Variants in MINDY4B observed in about 807,000 individuals in gnomAD.
MINDY4B encodes the protein MINDY family member 4B.
In MINDY4B, 25 loss-of-function variants were observed where a neutral mutation model predicts 16.7. The observed-to-expected ratio is 1.49, with a 90% confidence interval of 1.09 to 2.09. The LOEUF is 2.09. MINDY4B is among the 30% of genes most tolerant of loss of function. MINDY4B has a pLI of 0.00. For missense variants in MINDY4B, 327 were observed against 168.4 expected (o/e 1.94, Z -5.21); for synonymous variants, 132 against 61.9 (o/e 2.13, Z -5.32).
chr3:150,872,723 C>A (rs114222353), intron 11 of MINDY4B, among the ~76,000 whole-genome samples: 3 of 152,268 alleles, frequency 2.0e-5, no homozygotes, highest in Non-Finnish European at 2.9e-5. Flanking sequence ...CTCAAAAATG[C>A]GTTTTGTGCT....
intron 5 of MINDY4B, among the ~76,000 whole-genome samples, chr3:150,891,915 C>T (rs1320613335): frequency 2.6e-5 from 4 of 152,134 alleles, no homozygotes; most frequent in Non-Finnish European, 5.9e-5. Flanking sequence ...AGTGTGTCTA[C>T]AGACGTAGTT....
chr3:150,877,027 T>C (rs1055169819), intron 10 of MINDY4B, among the ~76,000 whole-genome samples: 38 of 147,152 alleles, frequency 2.6e-4, no homozygotes, highest in Non-Finnish European at 3.0e-5. Context: ...GGGCTTGTCA[T>C]GTCATCTAAT....
At chr3:150,889,497 C>G (rs1711711013) in intron 7 of MINDY4B, among the ~76,000 whole-genome samples, 1 of 152,214 alleles carries the variant, frequency 6.6e-6, no homozygotes, top group Non-Finnish European at 1.5e-5. Context: ...AGTCAGCTGA[C>G]TAACAACCTT....
intron 4 of MINDY4B, 131 bp from the exon 5 acceptor site, chr3:150,893,546 A>T (rs1020062827): frequency 9.1e-6 from 6 of 655,884 alleles, no homozygotes; most frequent in African/African-American, 9.0e-5. Context: ...TATTTGTGCC[A>T]CTCCTCCCTG....
intron 5 of MINDY4B, among the ~76,000 whole-genome samples, chr3:150,892,782 TA>T (rs35470998): frequency 0.014 from 1,905 of 138,164 alleles, 30 homozygotes; most frequent in African/African-American, 0.043. Context: ...CTAGCTCTAC[TA>T]AAAAAAAAAA....
chr3:150,883,619 CT>C (rs1224106113), intron 9 of MINDY4B, 80 bp downstream of exon 9: 5 of 661,706 alleles, frequency 7.6e-6, no homozygotes, highest in Non-Finnish European at 1.4e-5. Context: ...GATTGCTTTT[CT>C]TTTTTTCTTT....
intron 3 of MINDY4B, among the ~76,000 whole-genome samples, chr3:150,899,424 G>C (rs1050448131): frequency 1.2e-4 from 18 of 152,214 alleles, no homozygotes; most frequent in African/African-American, 4.3e-4. Context: ...CAGTGTCCCA[G>C]CAACAGTGGG....
intron 2 of MINDY4B, among the ~76,000 whole-genome samples, chr3:150,904,378 A>G (rs1712191819): frequency 6.6e-6 from 1 of 152,244 alleles, no homozygotes; most frequent in Admixed American, 6.5e-5. Flanking sequence ...GTTTTAGCAT[A>G]AATAAGACTT....
At chr3:150,902,836 A>C (rs1453488932) in intron 3 of MINDY4B, among the ~76,000 whole-genome samples, 1 of 152,190 alleles carries the variant, frequency 6.6e-6, no homozygotes, top group Non-Finnish European at 1.5e-5. Flanking sequence ...TGGCCTGACA[A>C]GTTTCCCCAG....
chr3:150,878,659 G>A (rs1036431521), intron 10 of MINDY4B, among the ~76,000 whole-genome samples: 15 of 152,218 alleles, frequency 9.9e-5, no homozygotes, highest in African/African-American at 3.4e-4. Context: ...TTTAAAGCTA[G>A]CCTGGGCAGT....
intron 3 of MINDY4B, among the ~76,000 whole-genome samples, chr3:150,896,066 T>C (rs879655626): frequency 6.6e-6 from 1 of 152,118 alleles, no homozygotes; most frequent in East Asian, 1.9e-4. Context: ...GTTCATATTT[T>C]CGGATTCTTT....
intron 3 of MINDY4B, among the ~76,000 whole-genome samples, chr3:150,900,208 C>A (rs1464209656): frequency 6.6e-6 from 1 of 152,128 alleles, no homozygotes; most frequent in Non-Finnish European, 1.5e-5. Context: ...AGGAAGAAAG[C>A]TGTAGTATTG....
chr3:150,889,618 GT>G (rs5853498), intron 7 of MINDY4B, among the ~76,000 whole-genome samples: 107,982 of 152,100 alleles, frequency 0.71, 38,588 homozygotes, highest in Middle Eastern at 0.81. Context: ...AACAGACCTT[GT>G]TTAACTCATT....
At chr3:150,900,536 C>T (rs1300401656) in intron 3 of MINDY4B, among the ~76,000 whole-genome samples, 1 of 152,158 alleles carries the variant, frequency 6.6e-6, no homozygotes, top group Non-Finnish European at 1.5e-5. Flanking sequence ...GAATCCCAAG[C>T]TTGTCATCCT....
chr3:150,878,272 A>G (rs1417434500), intron 10 of MINDY4B, among the ~76,000 whole-genome samples: 1 of 152,258 alleles, frequency 6.6e-6, no homozygotes, highest in Non-Finnish European at 1.5e-5. Flanking sequence ...ACTTGACTAT[A>G]AATATGCTTC....
chr3:150,892,135 C>G (rs1711831596), intron 5 of MINDY4B, among the ~76,000 whole-genome samples: 1 of 152,232 alleles, frequency 6.6e-6, no homozygotes, highest in Non-Finnish European at 1.5e-5. Context: ...GCCCAGAAGT[C>G]ACTGGGAGTT....
chr3:150,873,683 A>G (rs1476882361), intron 10 of MINDY4B, among the ~76,000 whole-genome samples: 7 of 152,236 alleles, frequency 4.6e-5, no homozygotes, highest in Non-Finnish European at 1.0e-4. Flanking sequence ...TATATAAACT[A>G]AAATAGGAAT....
chr3:150,901,367 G>A (rs1458406424), intron 3 of MINDY4B: 2 of 152,140 alleles, frequency 1.3e-5, no homozygotes, highest in Admixed American at 6.5e-5. Context: ...TACAAGTTAA[G>A]GCTCCATCCA....
Position 150,891,007 on chromosome 3 carries a change from G to C in MINDY4B, c.618C>G (p.Ile206Met). ...CGTAAATGTCCTCAGTGACAAGACA[G>C]ATGGTGGCCTTCTGAGCTGCTCCTG... ...WAAGAAQKAT[I>M]CLVTEDIYVA... The change falls in exon 6 of 12, where the codon ATC (isoleucine) becomes ATG (methionine). Residue 206 changes from isoleucine to methionine, a missense_variant. Ile to Met is a conservative substitution (Grantham distance 10, BLOSUM62 1). Transcript: ENST00000465419. 1 of 702,894 alleles carries C rather than the reference G, an allele frequency of 1.4e-6. No individual in the cohort carries two copies. The highest frequency in any genetic ancestry group is 2.7e-5 in the East Asian group (1 of 37,298). The allele number at this position is 702,894 out of a possible 1,614,324, so 43.5% of individuals were successfully genotyped here.
Sources: allele counts gnomAD v4.1 joint callset (sites outside exome capture counted in the v4.1 genomes callset), GRCh38; gene constraint gnomAD v4.1.1; transcripts MANE v1.5; gene names NCBI Gene and HGNC (gene_info 2026-07-23, HGNC 2026-07-21).